Variants in SLC7A11 observed in about 807,000 individuals in gnomAD.
SLC7A11 encodes the protein cystine/glutamate transporter.
In SLC7A11, 35 loss-of-function variants were observed where a neutral mutation model predicts 54.5. The observed-to-expected ratio is 0.64, with a 90% CI of 0.49 to 0.85. SLC7A11 has a LOEUF of 0.85. SLC7A11 is among the 40% of genes least tolerant of loss of function. The probability of loss-of-function intolerance (pLI) is 0.00; values close to 1 mark genes in which losing one functional copy is unlikely to be tolerated. For synonymous variants in SLC7A11, 230 were observed against 225.2 expected (o/e 1.02, Z -0.19); for missense variants, 583 against 618.1 (o/e 0.94, Z 0.60).
chr4:138,221,065 G>A (rs1313953571), intron 4 of SLC7A11, among the ~76,000 whole-genome samples: 1 of 152,148 alleles, frequency 6.6e-6, no homozygotes, highest in Non-Finnish European at 1.5e-5. Context: ...AGCATCTGTT[G>A]AATATTCTTT....
chr4:138,227,689 C>T lies in SLC7A11; in HGVS notation c.521-4365G>A, dbSNP rs186285669. 2.6e-5 allele frequency among the ~76,000 whole-genome samples: 4 copies of T among 152,232 alleles called. No individual in the cohort carries two copies. In the East Asian group the frequency reaches 5.8e-4, roughly 22 times the overall value. On this transcript the variant is annotated intron_variant, in intron 3 of 11. Transcript: ENST00000280612. Reference sequence around the variant, plus strand: ...GGAGCCCACACTTTTACCATTAGTTCCCAGGCAACAATGAGGAAGTAGTTC... The same window carrying T: ...GGAGCCCACACTTTTACCATTAGTTTCCAGGCAACAATGAGGAAGTAGTTC...
At position 138,180,716 on chromosome 4, in the gene SLC7A11, C is replaced by T. The variant is rs748993761; in HGVS notation, c.1191G>A (p.Trp397Ter). The T allele has an allele frequency of 3.1e-6, 5 of 1,612,878 alleles. No homozygotes were observed. The highest frequency in any genetic ancestry group is 4.2e-6 in the Non-Finnish European group (5 of 1,179,390). The part of the protein sequence containing the change: ...SLLNFLSFAR[W>*]LFIGLAVAGL... ...CAGCAACTGCCAGCCCAATAAAAAG[C>T]CACCTGGCAAAACTGAGGAAATTCA... The change falls in exon 10 of 12, where the codon TGG (tryptophan) becomes TGA (stop). Residue 397 changes from tryptophan to a stop codon, truncating the protein, a stop_gained. Transcript: ENST00000280612. LOFTEE classifies it high-confidence loss of function.
rs1194733233 is a variant in SLC7A11 at position 138,183,225 on chromosome 4, G to A, written c.996C>T (p.Asn332=). ...FVALSCFGSM[N]GGVFAVSRLF... ...ACCTGGAGACAGCAAACACACCACCGTTCATGGAGCCAAAGCAGGAGAGGG... is the reference window on the plus strand; with the variant it reads ...ACCTGGAGACAGCAAACACACCACCATTCATGGAGCCAAAGCAGGAGAGGG... Residue 332 remains asparagine, a synonymous_variant, in exon 8 of 12, where the codon AAC becomes AAT. Transcript: ENST00000280612. 1.8e-5 allele frequency: 29 copies of A among 1,611,460 alleles called. No homozygotes were observed. Among genetic ancestry groups the A allele is most frequent in the Middle Eastern group, 1.7e-4 (1 of 6,046 alleles).
chr4:138,233,561 A>G (rs1224684408), intron 2 of SLC7A11, among the ~76,000 whole-genome samples: 3 of 151,992 alleles, frequency 2.0e-5, no homozygotes, highest in Non-Finnish European at 4.4e-5. Flanking sequence ...TTCATGCCCG[A>G]TCCATAGATT....
At position 138,185,191 on chromosome 4, in the gene SLC7A11, A is replaced by C. The variant is rs372076565; in HGVS notation, c.845T>G (p.Val282Gly). ...ISMAIVTIGY[V>G]LTNVAYFTTI... ...CGTAAAGTAGGCCACATTTGTCAGCACATAGCCAATGGTGACAATGGCCAT... is the reference window on the plus strand; with the variant it reads ...CGTAAAGTAGGCCACATTTGTCAGCCCATAGCCAATGGTGACAATGGCCAT... Residue 282 changes from valine (V) to glycine (G), a missense_variant, in exon 7 of 12, where the codon GTG (valine) becomes GGG (glycine). Val to Gly is a moderately radical substitution (Grantham distance 109, BLOSUM62 -3). Transcript: ENST00000280612. 3.7e-6 allele frequency: 6 copies of C among 1,612,862 alleles called. No individual in the cohort carries two copies. Among genetic ancestry groups the C allele is most frequent in the Non-Finnish European group, 5.1e-6 (6 of 1,179,212 alleles).
At chr4:138,175,062 T>G (rs1271360554) in intron 11 of SLC7A11, among the ~76,000 whole-genome samples, 2 of 152,150 alleles carry the variant, frequency 1.3e-5, no homozygotes, top group African/African-American at 4.8e-5. Context: ...ATTCTTACAA[T>G]GAAGATAGTT....
At chr4:138,200,165 G>T (rs957208262) in intron 6 of SLC7A11, among the ~76,000 whole-genome samples, 3 of 152,082 alleles carry the variant, frequency 2.0e-5, no homozygotes, top group South Asian at 4.1e-4. Flanking sequence ...GACTTTGTTT[G>T]ACAATATCAA....
At position 138,170,279 on chromosome 4, in the gene SLC7A11, C is replaced by T. The variant is rs1488195408; in HGVS notation, c.*1677G>A. On this transcript the variant is annotated 3_prime_UTR_variant, in exon 12 of 12. Transcript: ENST00000280612. ...ATATATATATATATATATACACACA[C>T]ACACACACACACACATACACACACA... is the stretch of plus-strand genomic sequence containing the variant. 4.0e-5 allele frequency: 4 copies of T among 99,960 alleles called. No homozygotes were observed. The highest frequency in any genetic ancestry group is 3.1e-4 in the Admixed American group (3 of 9,796). The allele number at this position is 99,960 out of a possible 1,614,324, so 6.2% of individuals were successfully genotyped here.
In SLC7A11 at chr4:138,221,102, T is replaced by G. The variant is rs368530759; in HGVS notation, c.647-1737A>C. Among the ~76,000 whole-genome samples the G allele has an allele frequency of 2.0e-4, 31 of 152,270 alleles. No individual in the cohort carries two copies. In the East Asian group the frequency reaches 2.9e-3, roughly 14 times the overall value. On this transcript the variant is annotated intron_variant, in intron 4 of 11. Transcript: ENST00000280612. ...ATCATAATCTGTGGTCTCTTTGGCA[T>G]AAAGGCACAATATTTCTTAGAGTGC...
chr4:138,170,229 A>ATATATATATATATATATATATAT lies in SLC7A11; in HGVS notation c.*1726_*1727insATATATATATATATATATATATA, dbSNP rs1491323495. On this transcript the variant is annotated 3_prime_UTR_variant, in exon 12 of 12. Transcript: ENST00000280612. ...ACTATATATATATATATATATATAT[A>ATATATATATATATATATATATAT]AAAAGTGTGTGTGTGTGTGTGTATA... 1 of 111,618 alleles carries ATATATATATATATATATATATAT rather than the reference A, an allele frequency of 9.0e-6. No individual in the cohort carries two copies. The highest frequency in any genetic ancestry group is 1.8e-5 in the Non-Finnish European group (1 of 54,730). 6.9% of individuals were successfully genotyped at this position (111,618 alleles called of 1,614,324 possible). A position where few individuals can be genotyped will look rare whatever the true frequency, so the allele number is the denominator to read the frequency against.
intron 6 of SLC7A11, among the ~76,000 whole-genome samples, chr4:138,187,813 G>A (rs1419458238): frequency 6.6e-6 from 1 of 152,018 alleles, no homozygotes; most frequent in African/African-American, 2.4e-5. Context: ...TTAAAATTAT[G>A]TATTATTTAA....
At chr4:138,175,462 T>G (rs913380481) in intron 11 of SLC7A11, among the ~76,000 whole-genome samples, 2 of 152,200 alleles carry the variant, frequency 1.3e-5, no homozygotes, top group South Asian at 4.1e-4. Flanking sequence ...GTTTGCCAGG[T>G]CTTGCTATCT....
At chr4:138,237,039 G>T (rs1236062649) in intron 1 of SLC7A11, among the ~76,000 whole-genome samples, 2 of 133,338 alleles carry the variant, frequency 1.5e-5, no homozygotes, top group Non-Finnish European at 3.1e-5. Flanking sequence ...AAGCTGGAGT[G>T]CAGTGGCGCG....
chr4:138,173,032 G>T (rs1056109364), intron 11 of SLC7A11, among the ~76,000 whole-genome samples: 1 of 151,800 alleles, frequency 6.6e-6, no homozygotes, highest in African/African-American at 2.4e-5. Flanking sequence ...TAGTAGAGAC[G>T]GGGTTCCACC....
At position 138,166,210 on chromosome 4, in the gene SLC7A11, T is replaced by C. The variant is rs894750924; in HGVS notation, c.*5746A>G. 1 of 152,170 alleles carries C rather than the reference T, an allele frequency of 6.6e-6. No homozygotes were observed. The highest frequency in any genetic ancestry group is 1.5e-5 in the Non-Finnish European group (1 of 68,026). The allele number at this position is 152,170 out of a possible 1,614,324, so 9.4% of individuals were successfully genotyped here. A position where few individuals can be genotyped will look rare whatever the true frequency, so the allele number is the denominator to read the frequency against. On this transcript the variant is annotated 3_prime_UTR_variant, in exon 12 of 12. Coordinates refer to ENST00000280612, the MANE Select transcript of SLC7A11 (RefSeq NM_014331.4). ...CCTCCCAGTGTGATATGACTGTGCTTCCAAGTATGCATCTAATAAAGTTAG... is the reference window on the plus strand; with the variant it reads ...CCTCCCAGTGTGATATGACTGTGCTCCCAAGTATGCATCTAATAAAGTTAG...
Position 138,175,343 on chromosome 4 carries a change from C to T in SLC7A11, c.1445-3326G>A, listed in dbSNP as rs1235530301. ...AAATAAGGCTGTCCTCTATCTCTCT[C>T]CCTGAGCAGGAGGGACCCACTTCCA... On this transcript the variant is annotated intron_variant, in intron 11 of 11. Transcript: ENST00000280612. 2.0e-5 allele frequency among the ~76,000 whole-genome samples: 3 copies of T among 152,108 alleles called. No individual in the cohort carries two copies. In the East Asian group the frequency reaches 5.8e-4, roughly 29 times the overall value.
chr4:138,223,139 T>G, intron 4 of SLC7A11, 60 bp downstream of exon 4: 3 of 1,493,162 alleles, frequency 2.0e-6, no homozygotes. Flanking sequence ...CAAAAGTTAG[T>G]GTTAAAAAAG....
intron 6 of SLC7A11, among the ~76,000 whole-genome samples, chr4:138,211,538 T>C (rs1408535395): frequency 6.6e-6 from 1 of 151,842 alleles, no homozygotes; most frequent in Non-Finnish European, 1.5e-5. Flanking sequence ...GCTGGGTATA[T>C]ATCCAGAAGA....
rs1438719441 is a variant in SLC7A11 at position 138,171,745 on chromosome 4, A to G, written c.*211T>C. The G allele has an allele frequency of 3.2e-5, 17 of 539,010 alleles. No homozygotes were observed. The Admixed American group carries it at 7.1e-4, about 23-fold the overall frequency. 33.4% of individuals were successfully genotyped at this position (539,010 alleles called of 1,614,324 possible). ...ACTCAAGAATTGTGCGACTCATAGA[A>G]TAACTGCATATTCACTTTCTATAAC... On this transcript the variant is annotated 3_prime_UTR_variant, in exon 12 of 12. Transcript: ENST00000280612.
Sources: gnomAD v4.1 joint callset for allele counts (sites outside exome capture counted in the v4.1 genomes callset) on GRCh38, gnomAD v4.1.1 for gene constraint, MANE v1.5 for transcripts, NCBI Gene and HGNC (gene_info 2026-07-23, HGNC 2026-07-21) for gene names.